ZNF516: variants seen among roughly 807,000 people sequenced by gnomAD.
ZNF516 encodes zinc finger protein 516.
ZNF516 carries 19 observed loss-of-function variants against 79.7 expected under a neutral mutation model. The observed-to-expected ratio is 0.24, with a 90% CI of 0.17 to 0.35. The LOEUF (loss-of-function observed/expected upper bound fraction) is 0.35. Among genes scored for constraint, ZNF516 ranks in the 10% least tolerant of loss-of-function variants. The pLI, the probability that ZNF516 is intolerant of heterozygous loss-of-function variation, is 1.00. For synonymous variants in ZNF516, 877 were observed against 739.5 expected, an observed-to-expected ratio of 1.19 and a Z score of -3.02; for missense variants, 1,678 against 1,679.5, an observed-to-expected ratio of 1.00 and a Z score of 0.02.
At chr18:76,457,332 A>G (rs1912792466) in intron 2 of ZNF516, among the ~76,000 whole-genome samples, 1 of 152,256 alleles carries the variant, frequency 6.6e-6, no homozygotes, top group Non-Finnish European at 1.5e-5. Flanking sequence ...TGAGAAGGGC[A>G]GTTATCTCAA....
intron 3 of ZNF516, among the ~76,000 whole-genome samples, chr18:76,406,011 G>A (rs1172860375): frequency 5.3e-5 from 8 of 152,230 alleles, no homozygotes; most frequent in African/African-American, 1.7e-4. Context: ...ACATCCACAC[G>A]GGAGGCGTGC....
rs2075826040 is a variant in ZNF516, at chr18:76,441,721, C to A, written c.1334G>T (p.Gly445Val). The change falls in exon 3 of 7, where the codon GGG (glycine) becomes GTG (valine). Residue 445 changes from glycine (G) to valine (V), a missense_variant. Transcript: ENST00000443185. ...KYGAWDEALA[G>V]DVAFDKDRRE... ...CCTGTCCTTGTCGAAGGCCACGTCCCCGGCCAGCGCCTCGTCCCAGGCCCC... is the reference window on the plus strand; with the variant it reads ...CCTGTCCTTGTCGAAGGCCACGTCCACGGCCAGCGCCTCGTCCCAGGCCCC... 1 of 1,573,322 alleles carries A rather than the reference C, an allele frequency of 6.4e-7. No individual in the cohort carries two copies. The highest frequency in any genetic ancestry group is 2.3e-5 in the East Asian group (1 of 42,624).
chr18:76,366,898 C>A (rs1376445830), intron 6 of ZNF516, among the ~76,000 whole-genome samples: 1 of 152,208 alleles, frequency 6.6e-6, no homozygotes, highest in Non-Finnish European at 1.5e-5. Flanking sequence ...AAAGCCTCTA[C>A]TCAATAACCC....
At chr18:76,468,998 G>A (rs958861573) in intron 1 of ZNF516, among the ~76,000 whole-genome samples, 27 of 152,172 alleles carry the variant, frequency 1.8e-4, no homozygotes, top group African/African-American at 6.5e-4. Flanking sequence ...GAGCCTCCAG[G>A]TCTGAAGAGT....
At position 76,442,429 on chromosome 18, in the gene ZNF516, G is replaced by A; in HGVS notation, c.626C>T (p.Thr209Met). 1 of 1,606,860 alleles carries A rather than the reference G, an allele frequency of 6.2e-7. No homozygotes were observed. Residue 209 changes from threonine (T) to methionine (M), a missense_variant, in exon 3 of 7, where the codon ACG (threonine) becomes ATG (methionine). Physicochemically the swap from Thr to Met is moderately conservative, Grantham distance 81. This residue lies in a region of ZNF516 where 279 missense variants were observed against 254.1 expected (regional missense o/e 1.10). Coordinates refer to ENST00000443185, the MANE Select transcript of ZNF516 (RefSeq NM_014643.4). ...PFKCRLCSYA[T>M]LREESLLSHI... ...GCTCAGCAGCGACTCCTCCCGCAGC[G>A]TCGCGTAGCTGCACAGCCTGCACTT... is the stretch of plus-strand genomic sequence containing the variant.
intron 3 of ZNF516, chr18:76,386,432 G>A (rs1032488161): frequency 6.6e-6 from 1 of 152,322 alleles, no homozygotes; most frequent in African/African-American, 2.4e-5. Flanking sequence ...ACTTTAGGCT[G>A]ACAAGGAAGG....
In ZNF516 at chr18:76,477,241, C is replaced by T. The variant is rs117292173; in HGVS notation, c.-271-14100G>A. Among the ~76,000 whole-genome samples the T allele has an allele frequency of 3.8e-3, 584 of 152,268 alleles. 17 individuals are homozygous for T. The East Asian group carries it at 0.071, about 18-fold the overall frequency. On this transcript the variant is annotated intron_variant, in intron 1 of 6. Coordinates refer to ENST00000443185, the MANE Select transcript of ZNF516 (RefSeq NM_014643.4). ...TGATACTGCAATTCCACAAGTCAGA[C>T]AGGAAACAGAATTCTAGTTTGTTTC...
intron 3 of ZNF516, among the ~76,000 whole-genome samples, chr18:76,412,733 T>G (rs1252913038): frequency 1.3e-5 from 2 of 152,246 alleles, no homozygotes; most frequent in Non-Finnish European, 2.9e-5. Context: ...AGGCAGCTCC[T>G]GGACTCTTTT....
chr18:76,379,136 C>T lies in ZNF516; in HGVS notation c.2978G>A (p.Gly993Asp). 1 of 1,612,736 alleles carries T rather than the reference C, an allele frequency of 6.2e-7. No individual in the cohort carries two copies. Among genetic ancestry groups the T allele is most frequent in the South Asian group, 1.1e-5 (1 of 91,088 alleles). Reference sequence around the variant, plus strand: ...CTCGCGGGGAGGTAGAGGAGGAGCGCCCCCTTCGCCCTTTGCAGGAGGTGG... The same window carrying T: ...CTCGCGGGGAGGTAGAGGAGGAGCGTCCCCTTCGCCCTTTGCAGGAGGTGG... ...QGPPPAKGEG[G>D]APPLPPREPP... Residue 993 changes from glycine (G) to aspartate (D), a missense_variant, in exon 4 of 7, where the codon GGC becomes GAC. Around this residue, in one of 5 missense-constraint regions of ZNF516, gnomAD observed 1,294 missense variants for 1,248.3 expected, o/e 1.04. Coordinates refer to ENST00000443185, the MANE Select transcript of ZNF516 (RefSeq NM_014643.4).
chr18:76,409,981 T>C lies in ZNF516; in HGVS notation c.1811-29678A>G, dbSNP rs189960413. Among the ~76,000 whole-genome samples the C allele has an allele frequency of 2.0e-5, 3 of 152,298 alleles. No individual in the cohort carries two copies. In the East Asian group the frequency reaches 5.8e-4, roughly 29 times the overall value. ...AAGTTTCACGAGATCTGATGGTTTT[T>C]ATGAAGGGGAGTTCCCTTGCACACA... On this transcript the variant is annotated intron_variant, in intron 3 of 6. Transcript: ENST00000443185.
intron 1 of ZNF516, among the ~76,000 whole-genome samples, chr18:76,464,629 G>A (rs986775722): frequency 1.3e-5 from 2 of 150,448 alleles, no homozygotes; most frequent in African/African-American, 4.9e-5. Flanking sequence ...TGGACTTGCA[G>A]GGCCTCTCTG....
At chr18:76,388,920 CTGAACCATACATGGAAGAGCAGCAAA>C (rs1271868058) in intron 3 of ZNF516, 1 of 152,284 alleles carries the variant, frequency 6.6e-6, no homozygotes, top group Non-Finnish European at 1.5e-5. Context: ...AGCCTGGGCT[CTGAACCATACATGGAAGAGCAGCAAA>C]TGAACCATAC....
Position 76,473,602 on chromosome 18 carries a change from C to G in ZNF516, c.-271-10461G>C, listed in dbSNP as rs553857670. 1.1e-3 allele frequency among the ~76,000 whole-genome samples: 162 copies of G among 152,042 alleles called. 1 individual carries two copies. Among genetic ancestry groups the G allele is most frequent in the South Asian group, 4.4e-3 (21 of 4,810 alleles). ...GGATCACGAGGTCAGGAGATGGAGA[C>G]CATCCTAGCTAACACGGTGAAACCC... On this transcript the variant is annotated intron_variant, in intron 1 of 6. Coordinates refer to ENST00000443185, the MANE Select transcript of ZNF516 (RefSeq NM_014643.4).
chr18:76,422,965 T>G (rs1599063139), intron 3 of ZNF516, among the ~76,000 whole-genome samples: 1 of 152,160 alleles, frequency 6.6e-6, no homozygotes, highest in Admixed American at 6.5e-5. Flanking sequence ...GTACTCTCAA[T>G]ATCACACTGA....
chr18:76,423,090 C>T (rs2075528675), intron 3 of ZNF516, among the ~76,000 whole-genome samples: 1 of 152,186 alleles, frequency 6.6e-6, no homozygotes, highest in Non-Finnish European at 1.5e-5. Context: ...AGGATTCAAG[C>T]ACTCTGCAGC....
chr18:76,364,096 A>C (rs1317972356), intron 6 of ZNF516, among the ~76,000 whole-genome samples: 2 of 152,204 alleles, frequency 1.3e-5, no homozygotes, highest in African/African-American at 4.8e-5. Flanking sequence ...CTAACGTTTT[A>C]TATTACAGGG....
chr18:76,479,798 G>T (rs1914394544), intron 1 of ZNF516, among the ~76,000 whole-genome samples: 1 of 152,214 alleles, frequency 6.6e-6, no homozygotes, highest in Admixed American at 6.5e-5. Flanking sequence ...CTGCCCTGTG[G>T]TCTCCCGAAG....
intron 1 of ZNF516, chr18:76,492,612 C>A: frequency 1.6e-6 from 1 of 623,976 alleles, no homozygotes; most frequent in Non-Finnish European, 2.0e-6. Context: ...TCGCTTTGCC[C>A]GGGCGAGTGG....
At chr18:76,437,099 CAT>C (rs1491115354) in intron 3 of ZNF516, among the ~76,000 whole-genome samples, 10 of 151,264 alleles carry the variant, frequency 6.6e-5, no homozygotes, top group African/African-American at 2.2e-4. Context: ...CACACACACA[CAT>C]ACCGTCTCTC....
Sources: gnomAD v4.1 joint callset for allele counts (sites outside exome capture counted in the v4.1 genomes callset) on GRCh38, gnomAD v4.1.1 for gene constraint, gnomAD v4.1.1 regional missense constraint, MANE v1.5 for transcripts, NCBI Gene and HGNC (gene_info 2026-07-23, HGNC 2026-07-21) for gene names.